The following TP63 variants were observed in gnomAD, a reference collection of about 807,000 sequenced individuals.
TP63 encodes the protein tumor protein p63, also known as tumor protein 63.
TP63 carries 17 observed loss-of-function variants against 82.8 expected under a neutral mutation model. The observed-to-expected ratio is 0.21, with a 90% CI of 0.14 to 0.31. TP63 has a LOEUF of 0.31. Ranked by LOEUF, TP63 falls within the 10% of genes least tolerant of loss-of-function variation. The pLI, the probability that TP63 is intolerant of heterozygous loss-of-function variation, is 1.00. For synonymous variants in TP63, 330 were observed against 321.7 expected (o/e 1.03, Z -0.28); for missense variants, 648 against 895.3 (o/e 0.72, Z 3.52).
chr3:189,787,350 C>T (rs1310409349), intron 3 of TP63, among the ~76,000 whole-genome samples: 2 of 152,070 alleles, frequency 1.3e-5, no homozygotes, highest in Admixed American at 6.6e-5. Context: ...TTAGCTCTGC[C>T]CTCATTTCAC....
chr3:189,859,764 A>C (rs1169494913), intron 4 of TP63, among the ~76,000 whole-genome samples: 1 of 152,244 alleles, frequency 6.6e-6, no homozygotes, highest in Non-Finnish European at 1.5e-5. Context: ...TACACAATAG[A>C]AAAAAATGGA....
In TP63 at chr3:189,646,819, A is replaced by G. The variant is rs556564983; in HGVS notation, c.62+15242A>G. 2.0e-5 allele frequency among the ~76,000 whole-genome samples: 3 copies of G among 147,668 alleles called. No homozygotes were observed. The South Asian group carries it at 6.7e-4, about 33-fold the overall frequency. On this transcript the variant is annotated intron_variant, in intron 1 of 13. Transcript: ENST00000264731. ...ACACGTAGTTGCTGGCCACACCCAT[A>G]ATTTATTCTTTTATAAAATGCCTTT... is the stretch of plus-strand genomic sequence containing the variant.
intron 3 of TP63, among the ~76,000 whole-genome samples, chr3:189,776,150 G>A (rs764933282): frequency 1.3e-5 from 2 of 152,072 alleles, no homozygotes; most frequent in Non-Finnish European, 2.9e-5. Context: ...TTCAATCTTT[G>A]GATTTCATAT....
chr3:189,598,397 A>G, the TP63 span, among the ~76,000 whole-genome samples: 2 of 152,016 alleles, frequency 1.3e-5, no homozygotes, highest in African/African-American at 4.8e-5. Flanking sequence ...GGAGAGAAAG[A>G]GAGTGAAAGA....
At chr3:189,628,748 A>G (rs1729372875), upstream of TP63, among the ~76,000 whole-genome samples, 1 of 152,180 alleles carries the variant, frequency 6.6e-6, no homozygotes, top group Admixed American at 6.5e-5. Context: ...GTCCCCTAAG[A>G]GAATAAGGAT....
intron 1 of TP63, among the ~76,000 whole-genome samples, chr3:189,677,676 G>A (rs1344353465): frequency 2.0e-5 from 3 of 151,752 alleles, no homozygotes; most frequent in African/African-American, 7.3e-5. Context: ...TATCCATATT[G>A]TTTGCCATAA....
At position 189,846,060 on chromosome 3, in the gene TP63, G is replaced by A. The variant is rs553401683; in HGVS notation, c.580-18172G>A. On this transcript the variant is annotated intron_variant, in intron 4 of 13. Transcript: ENST00000264731. ...AATTACCAGTCTGCCAGCCAAAAGC[G>A]TGTAATATAGTATGTCTACTGAGGC... 3.9e-5 allele frequency among the ~76,000 whole-genome samples: 6 copies of A among 152,018 alleles called. No homozygotes were observed. In the South Asian group the frequency reaches 6.2e-4, roughly 16 times the overall value.
At chr3:189,889,513 C>T (rs1198638697) in intron 12 of TP63, 29 bp downstream of exon 12, 2 of 1,614,002 alleles carry the variant, frequency 1.2e-6, no homozygotes, top group African/African-American at 1.3e-5. Flanking sequence ...CCCCTGGGGG[C>T]CTGCCCTAAG....
At chr3:189,677,198 T>TTGTG (rs140059391) in intron 1 of TP63, among the ~76,000 whole-genome samples, 2 of 148,576 alleles carry the variant, frequency 1.3e-5, no homozygotes, top group Non-Finnish European at 3.0e-5. Flanking sequence ...TGGTGTGTGT[T>TTGTG]TGTGTGTGTG....
chr3:189,798,053 G>T (rs901990817), intron 3 of TP63, among the ~76,000 whole-genome samples: 1 of 152,032 alleles, frequency 6.6e-6, no homozygotes, highest in African/African-American at 2.4e-5. Context: ...CCCTGGGAGG[G>T]TAGAGGATGT....
intron 4 of TP63, among the ~76,000 whole-genome samples, chr3:189,824,499 C>T (rs1202658170): frequency 6.6e-6 from 1 of 152,100 alleles, no homozygotes; most frequent in African/African-American, 2.4e-5. Flanking sequence ...TCCCAAAGTG[C>T]TGGGATTACA....
chr3:189,868,786 T>C, intron 8 of TP63, 70 bp downstream of exon 8: 12 of 1,611,200 alleles, frequency 7.4e-6, no homozygotes, highest in Non-Finnish European at 1.0e-5. Context: ...GGGGTGATAT[T>C]GGAGAAGCTG....
At chr3:189,597,105 G>A in the TP63 span, among the ~76,000 whole-genome samples, 30 of 152,246 alleles carry the variant, frequency 2.0e-4, no homozygotes, top group East Asian at 5.8e-3. Flanking sequence ...CACCGCCAGG[G>A]TCCGCGGCTT....
intron 1 of TP63, among the ~76,000 whole-genome samples, chr3:189,663,585 C>A (rs1175581384): frequency 8.3e-6 from 1 of 120,230 alleles, no homozygotes; most frequent in Non-Finnish European, 1.6e-5. Context: ...TGGAGTTCGG[C>A]AGTACAATCT....
intron 1 of TP63, among the ~76,000 whole-genome samples, chr3:189,663,883 C>T (rs1053122347): frequency 9.9e-5 from 15 of 152,112 alleles, no homozygotes; most frequent in East Asian, 5.8e-4. Flanking sequence ...AATTCACTTA[C>T]GCATTTAGCA....
At chr3:189,769,345 T>G (rs1417912169) in intron 3 of TP63, among the ~76,000 whole-genome samples, 1 of 152,200 alleles carries the variant, frequency 6.6e-6, no homozygotes, top group Non-Finnish European at 1.5e-5. Flanking sequence ...TTTATCTCAT[T>G]AAATGTTATT....
At chr3:189,802,434 G>A (rs1726412807) in intron 3 of TP63, among the ~76,000 whole-genome samples, 3 of 152,182 alleles carry the variant, frequency 2.0e-5, no homozygotes, top group Admixed American at 2.0e-4. Flanking sequence ...AAACTGTTTT[G>A]AATGTGGTCT....
chr3:189,734,132 C>T (rs13434202), intron 1 of TP63, among the ~76,000 whole-genome samples: 70,616 of 123,074 alleles, frequency 0.57, 20,298 homozygotes, highest in Middle Eastern at 0.64. Flanking sequence ...CTCTCTTTCC[C>T]TCCCTCCCTC....
intron 1 of TP63, among the ~76,000 whole-genome samples, chr3:189,658,437 A>C (rs1056805549): frequency 4.6e-5 from 7 of 152,012 alleles, no homozygotes; most frequent in African/African-American, 1.7e-4. Flanking sequence ...AGGGGAAAAA[A>C]AAGAAGAACT....
Sources: allele counts gnomAD v4.1 joint callset (sites outside exome capture counted in the v4.1 genomes callset), GRCh38; gene constraint gnomAD v4.1.1; transcripts MANE v1.5; gene names NCBI Gene and HGNC (gene_info 2026-07-23, HGNC 2026-07-21).